CNNM4: variants seen among roughly 807,000 people sequenced by gnomAD.
CNNM4 encodes metal transporter CNNM4.
In CNNM4, 32 loss-of-function variants were observed where a neutral mutation model predicts 53.7. That is an observed-to-expected ratio of 0.60 (90% confidence interval 0.45 to 0.80). The LOEUF is 0.80. Among genes scored for constraint, CNNM4 ranks in the 30% least tolerant of loss-of-function variants. CNNM4 has a pLI of 0.00. For missense variants in CNNM4, 784 were observed against 1,022.0 expected (o/e 0.77, Z 3.17); for synonymous variants, 410 against 440.0 (o/e 0.93, Z 0.85).
At chr2:96,807,941 T>TG (rs1314018796) in intron 5 of CNNM4, among the ~76,000 whole-genome samples, 1 of 151,936 alleles carries the variant, frequency 6.6e-6, no homozygotes, top group Non-Finnish European at 1.5e-5. Context: ...CAAGCTGGAG[T>TG]GCAGTGGTGC....
chr2:96,764,214 T>G (rs6706734), intron 1 of CNNM4, among the ~76,000 whole-genome samples: 116,107 of 152,000 alleles, frequency 0.76, 45,714 homozygotes, highest in East Asian at 1. Context: ...TCTCTTGGGT[T>G]GGAGCCTCCT....
At chr2:96,794,741 G>C (rs1362612264) in intron 1 of CNNM4, among the ~76,000 whole-genome samples, 1 of 152,112 alleles carries the variant, frequency 6.6e-6, no homozygotes, top group Non-Finnish European at 1.5e-5. Context: ...AGGAACCCTT[G>C]ATTTTGTGAC....
intron 1 of CNNM4, among the ~76,000 whole-genome samples, chr2:96,787,755 G>T (rs2153347466): frequency 6.6e-6 from 1 of 152,238 alleles, no homozygotes; most frequent in Non-Finnish European, 1.5e-5. Context: ...AGCTACTTGG[G>T]AGGCTGAGGT....
At chr2:96,782,538 A>C (rs2078983786) in intron 1 of CNNM4, among the ~76,000 whole-genome samples, 1 of 152,122 alleles carries the variant, frequency 6.6e-6, no homozygotes, top group Non-Finnish European at 1.5e-5. Context: ...AGGAAAAATA[A>C]TTGTTTGATA....
intron 1 of CNNM4, among the ~76,000 whole-genome samples, chr2:96,773,688 C>CA (rs1374781582): frequency 6.6e-6 from 1 of 151,818 alleles, no homozygotes. Flanking sequence ...ACTAAAAGTA[C>CA]AAAAATTAGC....
rs2079255903 is a variant in CNNM4, at chr2:96,811,290, CA to C, written c.*1774del. The C allele has an allele frequency of 2.0e-5, 3 of 152,252 alleles. No homozygotes were observed. The highest frequency in any genetic ancestry group is 4.4e-5 in the Non-Finnish European group (3 of 68,048). 9.4% of individuals were successfully genotyped at this position (152,252 alleles called of 1,614,324 possible). On this transcript the variant is annotated 3_prime_UTR_variant, in exon 7 of 7. Transcript: ENST00000377075. ...GTGGGGGAAAGCCCTTAGTCTTGTA[CA>C]GGAGCAGCTTGCTCCCAAGTCCTTT...
chr2:96,763,520 C>G (rs1428534290), intron 1 of CNNM4, among the ~76,000 whole-genome samples: 1 of 152,204 alleles, frequency 6.6e-6, no homozygotes, highest in African/African-American at 2.4e-5. Flanking sequence ...ATGCTCCCAG[C>G]CTTCATTCCC....
chr2:96,763,766 G>A (rs2078786959), intron 1 of CNNM4, among the ~76,000 whole-genome samples: 1 of 152,076 alleles, frequency 6.6e-6, no homozygotes, highest in Non-Finnish European at 1.5e-5. Context: ...TCTTAGTATC[G>A]GAGCTGAGGA....
Position 96,801,123 on chromosome 2 carries a change from G to T in CNNM4, c.1948+1475G>T, listed in dbSNP as rs1574082391. 2.0e-6 allele frequency: 2 copies of T among 985,290 alleles called. No homozygotes were observed. Among genetic ancestry groups the T allele is most frequent in the East Asian group, 2.3e-4 (2 of 8,824 alleles). The allele number at this position is 985,290 out of a possible 1,614,324, so 61.0% of individuals were successfully genotyped here. A position where few individuals can be genotyped will look rare whatever the true frequency, so the allele number is the denominator to read the frequency against. ...CCTGGCAAGCGGAACTCCCTGCTCT[G>T]CTGGCTCACAGGTAACGTGGCACAG... On this transcript the variant is annotated intron_variant, in intron 5 of 6. Coordinates refer to ENST00000377075, the MANE Select transcript of CNNM4 (RefSeq NM_020184.4). This position sits in a 1 kb window ranked among gnomAD's most constrained non-coding sequence, Gnocchi z 5.6.
chr2:96,761,919 A>G lies in CNNM4; in HGVS notation c.920A>G (p.Lys307Arg), dbSNP rs751120696. 6.2e-7 allele frequency: 1 copy of G among 1,614,000 alleles called. No individual in the cohort carries two copies. The highest frequency in any genetic ancestry group is 8.5e-7 in the Non-Finnish European group (1 of 1,179,994). Residue 307 changes from lysine to arginine, a missense_variant, in exon 1 of 7, where the codon AAA (lysine) becomes AGA (arginine). Coordinates refer to ENST00000377075, the MANE Select transcript of CNNM4 (RefSeq NM_020184.4). This position sits in a 1 kb window ranked among gnomAD's most constrained non-coding sequence, Gnocchi z 6.0. ...AVGANTILLT[K>R]FFMLLTFPLS... ...GGTGCCAACACCATCCTTCTCACCA[A>G]ATTCTTTATGCTACTCACCTTCCCC...
At chr2:96,788,951 G>A (rs1292415498) in intron 1 of CNNM4, 3 of 151,998 alleles carry the variant, frequency 2.0e-5, no homozygotes, top group South Asian at 2.1e-4. Flanking sequence ...CCTATAATAC[G>A]GTTTTCTTAA....
chr2:96,763,022 CAGGGG>C (rs2078780165), intron 1 of CNNM4, among the ~76,000 whole-genome samples: 1 of 151,984 alleles, frequency 6.6e-6, no homozygotes, highest in Admixed American at 6.6e-5. Context: ...GGTTTTTGAG[CAGGGG>C]AGTCATGTTA....
chr2:96,789,453 A>T (rs1303985277), intron 1 of CNNM4, among the ~76,000 whole-genome samples: 1 of 152,056 alleles, frequency 6.6e-6, no homozygotes, highest in African/African-American at 2.4e-5. Flanking sequence ...GAGGCCTCAC[A>T]TGGTGTTCTT....
At chr2:96,768,298 A>T (rs2078836390) in intron 1 of CNNM4, among the ~76,000 whole-genome samples, 1 of 152,188 alleles carries the variant, frequency 6.6e-6, no homozygotes. Flanking sequence ...CCATTTGTTC[A>T]ACCAACAGTG....
chr2:96,788,252 C>CTTTT (rs753661420), intron 1 of CNNM4, among the ~76,000 whole-genome samples: 1 of 140,088 alleles, frequency 7.1e-6, no homozygotes. Context: ...TCGCTGTAAT[C>CTTTT]TTTTTTTTTT....
At chr2:96,795,065 C>T (rs544694041) in intron 1 of CNNM4, among the ~76,000 whole-genome samples, 14 of 152,122 alleles carry the variant, frequency 9.2e-5, no homozygotes, top group Non-Finnish European at 1.8e-4. Context: ...TTCCAAAATC[C>T]AAAAAAATCT....
chr2:96,761,417 C>T lies in CNNM4; in HGVS notation c.418C>T (p.Arg140Trp), dbSNP rs756997497. Residue 140 changes from arginine (R) to tryptophan (W), a missense_variant, in exon 1 of 7, where the codon CGG becomes TGG. Arg to Trp is a moderately radical substitution (Grantham distance 101, BLOSUM62 -3). Coordinates refer to ENST00000377075, the MANE Select transcript of CNNM4 (RefSeq NM_020184.4). This position sits in a 1 kb window ranked among gnomAD's most constrained non-coding sequence, Gnocchi z 6.0. ...GCTGGTGGTGCTCACCAAGTTCCTC[C>T]GGAGGAGCGAGAGCATGAAGCTGTA... ...GVLVVLTKFL[R>W]RSESMKLYAL... 4 of 1,614,084 alleles carry T rather than the reference C, an allele frequency of 2.5e-6. No homozygotes were observed. Among genetic ancestry groups the T allele is most frequent in the Non-Finnish European group, 3.4e-6 (4 of 1,180,010 alleles).
chr2:96,809,552 G>A lies in CNNM4; in HGVS notation c.*35G>A. 2 of 1,601,474 alleles carry A rather than the reference G, an allele frequency of 1.2e-6. No homozygotes were observed. Among genetic ancestry groups the A allele is most frequent in the Non-Finnish European group, 1.7e-6 (2 of 1,169,120 alleles). On this transcript the variant is annotated 3_prime_UTR_variant, in exon 7 of 7. Transcript: ENST00000377075. The stretch of plus-strand genomic sequence containing the variant: ...CCGGGGCCCCCTGCCCACCCTGCGG[G>A]GGCCTCCCCAGTGGGCCCACATGAA...
chr2:96,784,263 T>G (rs1054742679), intron 1 of CNNM4, among the ~76,000 whole-genome samples: 2 of 151,198 alleles, frequency 1.3e-5, no homozygotes, highest in African/African-American at 4.9e-5. Context: ...AGACCTTGTC[T>G]CAAAAAAAAA....
Sources: allele counts gnomAD v4.1 joint callset (sites outside exome capture counted in the v4.1 genomes callset), GRCh38; gene constraint gnomAD v4.1.1; non-coding constraint Gnocchi (gnomAD v3.1); transcripts MANE v1.5; gene names NCBI Gene and HGNC (gene_info 2026-07-23, HGNC 2026-07-21).